The following ITFG1 variants were observed in gnomAD, a reference collection of about 807,000 sequenced individuals.
ITFG1 encodes the protein T-cell immunomodulatory protein.
Under a neutral mutation model 81.8 loss-of-function variants are expected in ITFG1, and 34 were observed. The ratio of observed to expected loss-of-function variants is 0.42; its 90% CI spans 0.32 to 0.55. The LOEUF is 0.55. Among genes scored for constraint, ITFG1 ranks in the 20% least tolerant of loss-of-function variants. The pLI is 0.17. For synonymous variants in ITFG1, 285 were observed against 270.6 expected, an observed-to-expected ratio of 1.05 and a Z score of -0.52; for missense variants, 672 against 755.4, an observed-to-expected ratio of 0.89 and a Z score of 1.29.
intron 1 of ITFG1, among the ~76,000 whole-genome samples, chr16:47,459,981 C>T (rs544664940): frequency 6.6e-6 from 1 of 152,208 alleles, no homozygotes; most frequent in Non-Finnish European, 1.5e-5. Context: ...CAGCATTGAT[C>T]TTTAAGCAGC....
At chr16:47,313,850 T>C (rs1224469843) in intron 8 of ITFG1, 27 bp from the exon 9 acceptor site, 1 of 1,313,612 alleles carries the variant, frequency 7.6e-7, no homozygotes, top group Non-Finnish European at 1.1e-6. Context: ...CAAGAGTCCA[T>C]TAATAGTCAC....
chr16:47,365,673 G>A (rs1968167324), intron 8 of ITFG1, 115 bp downstream of exon 8: 1 of 629,780 alleles, frequency 1.6e-6, no homozygotes, highest in Admixed American at 2.8e-5. Flanking sequence ...AGCTATAATA[G>A]CTCTGAAGAC....
chr16:47,227,956 C>T (rs1965775030), intron 13 of ITFG1, among the ~76,000 whole-genome samples: 1 of 151,986 alleles, frequency 6.6e-6, no homozygotes, highest in Non-Finnish European at 1.5e-5. Flanking sequence ...GCTGTAATGC[C>T]CAATTTAGTT....
chr16:47,347,395 A>C (rs2151579737), intron 8 of ITFG1, among the ~76,000 whole-genome samples: 1 of 152,358 alleles, frequency 6.6e-6, no homozygotes, highest in East Asian at 1.9e-4. Flanking sequence ...CCAGGAGATT[A>C]TATCCTGTGC....
rs561097975 is a variant in ITFG1 at position 47,257,084 on chromosome 16, A to T, written c.1330+1548T>A. ...CGAAAGCCAAAATGTTTTCCCCTTA[A>T]CACTGGAAACAAGACAAGTGTGTCC... On this transcript the variant is annotated intron_variant, in intron 12 of 17. Coordinates refer to ENST00000320640, the MANE Select transcript of ITFG1 (RefSeq NM_030790.5). 3.8e-4 allele frequency among the ~76,000 whole-genome samples: 58 copies of T among 152,376 alleles called. 1 individual carries two copies. Among genetic ancestry groups the T allele is most frequent in the African/African-American group, 1.2e-3 (48 of 41,592 alleles).
At chr16:47,381,848 G>A (rs1968400291) in intron 6 of ITFG1, among the ~76,000 whole-genome samples, 3 of 152,134 alleles carry the variant, frequency 2.0e-5, no homozygotes, top group Admixed American at 1.3e-4. Context: ...TAGCTCAGAG[G>A]TCATCAATTG....
chr16:47,401,866 G>C (rs948678639), intron 6 of ITFG1, among the ~76,000 whole-genome samples: 1 of 151,274 alleles, frequency 6.6e-6, no homozygotes, highest in East Asian at 1.9e-4. Context: ...GGTTCCTTTG[G>C]TTTTTTTTCA....
intron 6 of ITFG1, among the ~76,000 whole-genome samples, chr16:47,426,716 C>T (rs540066548): frequency 6.6e-6 from 1 of 151,760 alleles, no homozygotes; most frequent in South Asian, 2.1e-4. Flanking sequence ...ATATTTTTAA[C>T]TTTGAAAATC....
chr16:47,378,649 G>T (rs562942207), intron 6 of ITFG1, among the ~76,000 whole-genome samples: 2 of 152,234 alleles, frequency 1.3e-5, no homozygotes, highest in South Asian at 2.1e-4. Context: ...CTAGTTGAGG[G>T]ACTGGAAGTA....
intron 6 of ITFG1, among the ~76,000 whole-genome samples, chr16:47,403,713 TCACTTTTAGA>T (rs1968691565): frequency 6.6e-6 from 1 of 151,258 alleles, no homozygotes; most frequent in Non-Finnish European, 1.5e-5. Context: ...TATTTAATAC[TCACTTTTAGA>T]CAGTTCAGGG....
intron 6 of ITFG1, among the ~76,000 whole-genome samples, chr16:47,402,035 G>A (rs1968667873): frequency 6.6e-5 from 10 of 152,120 alleles, no homozygotes; most frequent in Admixed American, 6.5e-4. Flanking sequence ...TCCCCAAGGG[G>A]CTGCAAACTC....
chr16:47,263,382 G>A, intron 10 of ITFG1: 1 of 475,900 alleles, frequency 2.1e-6, no homozygotes, highest in South Asian at 1.6e-5. Context: ...CAAGCCACCT[G>A]CATAGATGCC....
At chr16:47,407,746 T>C (rs1318356096) in intron 6 of ITFG1, among the ~76,000 whole-genome samples, 3 of 152,188 alleles carry the variant, frequency 2.0e-5, no homozygotes, top group Non-Finnish European at 4.4e-5. Context: ...CAGGGATTCA[T>C]TTTGGGAAAA....
At chr16:47,185,969 A>T (rs1410348779) in intron 14 of ITFG1, among the ~76,000 whole-genome samples, 1 of 152,242 alleles carries the variant, frequency 6.6e-6, no homozygotes, top group Non-Finnish European at 1.5e-5. Flanking sequence ...CCATCAGAGA[A>T]TACTACAAAC....
intron 10 of ITFG1, among the ~76,000 whole-genome samples, chr16:47,300,464 A>T (rs1363724795): frequency 2.6e-5 from 4 of 152,190 alleles, no homozygotes; most frequent in Non-Finnish European, 5.9e-5. Context: ...AGGTAAGGAA[A>T]GAAGGATAAG....
chr16:47,353,100 C>T (rs930749336), intron 8 of ITFG1, among the ~76,000 whole-genome samples: 2 of 151,838 alleles, frequency 1.3e-5, no homozygotes, highest in African/African-American at 2.4e-5. Context: ...AGTAGATATA[C>T]CTAATGCTAA....
At chr16:47,159,107 CCATT>C (rs1364607870) in intron 16 of ITFG1, 117 bp from the exon 17 acceptor site, 5 of 467,196 alleles carry the variant, frequency 1.1e-5, no homozygotes, top group Admixed American at 4.1e-5. Context: ...ATTCATTAAA[CCATT>C]CATTCATCAG....
At chr16:47,345,138 A>T (rs1426627640) in intron 8 of ITFG1, among the ~76,000 whole-genome samples, 1 of 152,200 alleles carries the variant, frequency 6.6e-6, no homozygotes, top group South Asian at 2.1e-4. Flanking sequence ...AGGACAAAAA[A>T]GGAACTGGCA....
At position 47,375,910 on chromosome 16, in the gene ITFG1, G is replaced by C. The variant is rs1173003324; in HGVS notation, c.686C>G (p.Thr229Ser). ...DLFLTTLNAT[T>S]STFQFEIWEN... ...CCATATTTCAAACTGGAAGGTACTA[G>C]TGGTGGCATTCAATGTCGTCAGGAA... The change falls in exon 7 of 18, where the codon ACT becomes AGT. Residue 229 changes from threonine (T) to serine (S), a missense_variant. By Grantham distance (58) the Thr-to-Ser change is moderately conservative. Coordinates refer to ENST00000320640, the MANE Select transcript of ITFG1 (RefSeq NM_030790.5). 1 of 1,607,248 alleles carries C rather than the reference G, an allele frequency of 6.2e-7. No individual in the cohort carries two copies. The highest frequency in any genetic ancestry group is 1.7e-5 in the Admixed American group (1 of 59,920).
Sources: allele counts gnomAD v4.1 joint callset (sites outside exome capture counted in the v4.1 genomes callset), GRCh38; gene constraint gnomAD v4.1.1; transcripts MANE v1.5; gene names NCBI Gene and HGNC (gene_info 2026-07-23, HGNC 2026-07-21).